DKK2: variants seen among roughly 807,000 people sequenced by gnomAD.
The protein encoded by DKK2 is dickkopf Wnt signaling pathway inhibitor 2.
DKK2 carries 11 observed loss-of-function variants against 28.1 expected under a neutral mutation model. The ratio of observed to expected loss-of-function variants is 0.39; its 90% CI spans 0.25 to 0.65. The LOEUF is 0.65. Among genes scored for constraint, DKK2 ranks in the 30% least tolerant of loss-of-function variants. The pLI is 0.47. For synonymous variants in DKK2, 135 were observed against 126.5 expected (o/e 1.07, Z -0.45); for missense variants, 326 against 335.5 (o/e 0.97, Z 0.22).
chr4:106,978,382 G>C (rs1487035483), intron 1 of DKK2, among the ~76,000 whole-genome samples: 1 of 152,212 alleles, frequency 6.6e-6, no homozygotes, highest in African/African-American at 2.4e-5. Flanking sequence ...GGAGATGAGA[G>C]TTTGATCTAT....
chr4:106,940,973 G>A (rs967464066), intron 1 of DKK2, among the ~76,000 whole-genome samples: 1 of 152,026 alleles, frequency 6.6e-6, no homozygotes, highest in African/African-American at 2.4e-5. Context: ...TGGGGTGAGG[G>A]GGGAGGGATA....
intron 1 of DKK2, among the ~76,000 whole-genome samples, chr4:107,018,367 T>C (rs373225287): frequency 5.3e-4 from 81 of 152,166 alleles, no homozygotes; most frequent in African/African-American, 1.7e-3. Flanking sequence ...GTTTCTTTGC[T>C]GAAGATGGGT....
chr4:106,977,552 G>C (rs1722963441), intron 1 of DKK2, among the ~76,000 whole-genome samples: 2 of 151,942 alleles, frequency 1.3e-5, no homozygotes, highest in Non-Finnish European at 2.9e-5. Flanking sequence ...ACTTGTGTAT[G>C]CTTCACAAAG....
At chr4:106,974,941 T>G (rs1722921098) in intron 1 of DKK2, among the ~76,000 whole-genome samples, 1 of 152,206 alleles carries the variant, frequency 6.6e-6, no homozygotes, top group African/African-American at 2.4e-5. Flanking sequence ...ATTGACAGCT[T>G]TTAGTATAAA....
chr4:107,010,910 T>C (rs1157645687), intron 1 of DKK2, among the ~76,000 whole-genome samples: 1 of 151,250 alleles, frequency 6.6e-6, no homozygotes, highest in East Asian at 1.9e-4. Flanking sequence ...TTAAAAACAA[T>C]TTTCAAGAAT....
rs144414152 is a variant in DKK2, at chr4:107,028,886, G to A, written c.222+6484C>T. ...ATTCAGATTCAGAAAGATGAGGACAGGGGAGTTTGTTGCTGGTTTTGAAGA... is the reference window on the plus strand; with the variant it reads ...ATTCAGATTCAGAAAGATGAGGACAAGGGAGTTTGTTGCTGGTTTTGAAGA... On this transcript the variant is annotated intron_variant, in intron 1 of 3. Coordinates refer to ENST00000285311, the MANE Select transcript of DKK2 (RefSeq NM_014421.3). 1.6e-3 allele frequency among the ~76,000 whole-genome samples: 243 copies of A among 152,330 alleles called. 3 individuals carry two copies. Among genetic ancestry groups the A allele is most frequent in the African/African-American group, 5.7e-3 (237 of 41,564 alleles).
intron 1 of DKK2, among the ~76,000 whole-genome samples, chr4:106,939,414 A>C (rs192951244): frequency 0.061 from 9,329 of 152,080 alleles, 313 homozygotes; most frequent in Non-Finnish European, 0.073. Context: ...ATGTGAAGGA[A>C]CTCGTCAAGG....
intron 1 of DKK2, among the ~76,000 whole-genome samples, chr4:106,931,072 T>C (rs1405195005): frequency 6.6e-6 from 1 of 152,158 alleles, no homozygotes; most frequent in Non-Finnish European, 1.5e-5. Context: ...GGGACTTATA[T>C]GTCAATCTGC....
chr4:106,996,308 T>C (rs1723272010), intron 1 of DKK2, among the ~76,000 whole-genome samples: 1 of 152,188 alleles, frequency 6.6e-6, no homozygotes, highest in South Asian at 2.1e-4. Context: ...AGGGAAAATG[T>C]ACAAACTGAG....
chr4:106,965,007 T>TAGGTAGATA (rs35161719), intron 1 of DKK2, among the ~76,000 whole-genome samples: 3 of 126,172 alleles, frequency 2.4e-5, no homozygotes, highest in African/African-American at 8.7e-5. Flanking sequence ...ATAGATAGAT[T>TAGGTAGATA]GATTGATTCT....
At chr4:107,025,968 T>G (rs1723772472) in intron 1 of DKK2, among the ~76,000 whole-genome samples, 1 of 152,224 alleles carries the variant, frequency 6.6e-6, no homozygotes, top group Admixed American at 6.5e-5. Context: ...ATGTTTATAT[T>G]AGAAGTCAGA....
chr4:106,922,848 C>T lies in DKK2; in HGVS notation c.*1106G>A, dbSNP rs957103707. On this transcript the variant is annotated 3_prime_UTR_variant, in exon 4 of 4. Coordinates refer to ENST00000285311, the MANE Select transcript of DKK2 (RefSeq NM_014421.3). ...ATGAACAGCCAACTTGTGCCTCAGA[C>T]ATATGATCTATGTGTTGCCAAAACC... 1 of 152,180 alleles carries T rather than the reference C, an allele frequency of 6.6e-6. No individual in the cohort carries two copies. Among genetic ancestry groups the T allele is most frequent in the African/African-American group, 2.4e-5 (1 of 41,444 alleles). The allele number at this position is 152,180 out of a possible 1,614,324, so 9.4% of individuals were successfully genotyped here.
rs1425651340 is a variant in DKK2, at chr4:106,922,667, A to T, written c.*1287T>A. 1 of 152,188 alleles carries T rather than the reference A, an allele frequency of 6.6e-6. No homozygotes were observed. Among genetic ancestry groups the T allele is most frequent in the African/African-American group, 2.4e-5 (1 of 41,464 alleles). The allele number at this position is 152,188 out of a possible 1,614,324, so 9.4% of individuals were successfully genotyped here. A position where few individuals can be genotyped will look rare whatever the true frequency, so the allele number is the denominator to read the frequency against. ...GAGTCCATTTTGTGAAACCTCCTGA[A>T]ATTGAGATTATTTGAGGATCTCAGC... On this transcript the variant is annotated 3_prime_UTR_variant, in exon 4 of 4. Coordinates refer to ENST00000285311, the MANE Select transcript of DKK2 (RefSeq NM_014421.3).
chr4:106,940,762 C>A (rs1437146811), intron 1 of DKK2, among the ~76,000 whole-genome samples: 2 of 151,980 alleles, frequency 1.3e-5, no homozygotes, highest in Non-Finnish European at 1.5e-5. Context: ...ATATACACCA[C>A]GGAATACTAT....
At chr4:107,002,155 T>C (rs996552800) in intron 1 of DKK2, among the ~76,000 whole-genome samples, 1 of 152,186 alleles carries the variant, frequency 6.6e-6, no homozygotes, top group Non-Finnish European at 1.5e-5. Flanking sequence ...AACCATCTGT[T>C]AGGGAAAAAA....
At chr4:106,970,324 G>A (rs10488900) in intron 1 of DKK2, among the ~76,000 whole-genome samples, 5,665 of 152,160 alleles carry the variant, frequency 0.037, 165 homozygotes, top group Middle Eastern at 0.065. Flanking sequence ...ACCTGCAATA[G>A]TGGATCTGGA....
At position 106,923,135 on chromosome 4, in the gene DKK2, G is replaced by C. The variant is rs1280432104; in HGVS notation, c.*819C>G. 1 of 152,006 alleles carries C rather than the reference G, an allele frequency of 6.6e-6. No individual in the cohort carries two copies. Among genetic ancestry groups the C allele is most frequent in the Non-Finnish European group, 1.5e-5 (1 of 68,018 alleles). 9.4% of individuals were successfully genotyped at this position (152,006 alleles called of 1,614,324 possible). A position where few individuals can be genotyped will look rare whatever the true frequency, so the allele number is the denominator to read the frequency against. On this transcript the variant is annotated 3_prime_UTR_variant, in exon 4 of 4. Transcript: ENST00000285311. ...AGTATTTTACTAGTCACAATTTATG[G>C]GTATAGTTTGGAAAATATAATGCAT...
chr4:106,969,762 A>G (rs1722838520), intron 1 of DKK2, among the ~76,000 whole-genome samples: 1 of 152,128 alleles, frequency 6.6e-6, no homozygotes, highest in Non-Finnish European at 1.5e-5. Context: ...GAAAAGGCTG[A>G]TGAAAGGAAG....
At chr4:106,997,532 C>T (rs985565636) in intron 1 of DKK2, among the ~76,000 whole-genome samples, 11 of 151,494 alleles carry the variant, frequency 7.3e-5, no homozygotes, top group African/African-American at 2.4e-4. Flanking sequence ...ATCCAGTCAC[C>T]GAAGAGATTT....
Sources: allele counts gnomAD v4.1 joint callset (sites outside exome capture counted in the v4.1 genomes callset), GRCh38; gene constraint gnomAD v4.1.1; transcripts MANE v1.5; gene names NCBI Gene and HGNC (gene_info 2026-07-23, HGNC 2026-07-21).